TULP4: variants seen among roughly 807,000 people sequenced by gnomAD.
TULP4 encodes the protein tubby-related protein 4.
A neutral mutation model predicts 129.0 loss-of-function variants in TULP4; 16 were observed. That is an observed-to-expected ratio of 0.12 (90% CI 0.08 to 0.19). The LOEUF is 0.19. Among genes scored for constraint, TULP4 ranks in the 10% least tolerant of loss-of-function variants. The pLI is 1.00. For missense variants in TULP4, 1,842 were observed against 2,059.1 expected (o/e 0.89, Z 2.04); for synonymous variants, 998 against 854.0 (o/e 1.17, Z -2.94).
chr6:158,364,768 A>C (rs527597571), intron 1 of TULP4, among the ~76,000 whole-genome samples: 42 of 152,168 alleles, frequency 2.8e-4, no homozygotes, highest in African/African-American at 8.7e-4. Context: ...ACGGAGTCTC[A>C]TTCTGTCACC....
intron 1 of TULP4, among the ~76,000 whole-genome samples, chr6:158,299,207 T>C (rs2128474736): frequency 6.6e-6 from 1 of 152,278 alleles, no homozygotes; most frequent in South Asian, 2.1e-4. Flanking sequence ...CTATGCCAAG[T>C]AGGATGATGA....
intron 1 of TULP4, chr6:158,282,458 C>G (rs1249989619): frequency 6.6e-6 from 1 of 151,814 alleles, no homozygotes; most frequent in Admixed American, 6.6e-5. Context: ...AACTAATGTT[C>G]ATTATGTCCA....
chr6:158,355,548 G>A (rs564632828), intron 1 of TULP4, among the ~76,000 whole-genome samples: 15 of 152,222 alleles, frequency 9.9e-5, no homozygotes, highest in Non-Finnish European at 2.2e-4. Flanking sequence ...TTCATGTGTA[G>A]TGTAGGTTCT....
chr6:158,476,066 G>A (rs565858226), intron 6 of TULP4, among the ~76,000 whole-genome samples: 1 of 152,190 alleles, frequency 6.6e-6, no homozygotes, highest in Non-Finnish European at 1.5e-5. Context: ...AGACAAGAGG[G>A]GCAGTTCTTG....
intron 1 of TULP4, among the ~76,000 whole-genome samples, chr6:158,270,566 C>T (rs1778529482): frequency 6.6e-6 from 1 of 152,190 alleles, no homozygotes; most frequent in South Asian, 2.1e-4. Context: ...CGGTGATGGG[C>T]ACTCAGTTAG....
chr6:158,234,385 T>C (rs1267014332), intron 1 of TULP4, among the ~76,000 whole-genome samples: 8 of 152,238 alleles, frequency 5.3e-5, no homozygotes. Flanking sequence ...ATTTCAGCCC[T>C]CTCACTGGAT....
intron 6 of TULP4, among the ~76,000 whole-genome samples, chr6:158,479,163 G>A (rs1318315619): frequency 6.6e-6 from 1 of 152,096 alleles, no homozygotes; most frequent in Non-Finnish European, 1.5e-5. Context: ...GGAAGGGAAG[G>A]GCCATCTGGT....
At chr6:158,238,983 C>T (rs1295924380) in intron 1 of TULP4, among the ~76,000 whole-genome samples, 10 of 143,174 alleles carry the variant, frequency 7.0e-5, no homozygotes, top group African/African-American at 2.3e-4. Flanking sequence ...AGAGGGGCTC[C>T]TCACTTCCCA....
At chr6:158,322,049 G>A (rs1317516734) in intron 1 of TULP4, among the ~76,000 whole-genome samples, 1 of 152,198 alleles carries the variant, frequency 6.6e-6, no homozygotes, top group African/African-American at 2.4e-5. Context: ...CCACCTCACT[G>A]TGCATAGTGA....
chr6:158,276,090 C>G (rs1029437614), intron 1 of TULP4, among the ~76,000 whole-genome samples: 1 of 152,072 alleles, frequency 6.6e-6, no homozygotes, highest in East Asian at 1.9e-4. Context: ...CTGTCTCAGC[C>G]CCCCAAGTAG....
At chr6:158,389,448 T>C (rs1230695088) in intron 1 of TULP4, among the ~76,000 whole-genome samples, 6 of 151,744 alleles carry the variant, frequency 4.0e-5, no homozygotes, top group Non-Finnish European at 8.8e-5. Flanking sequence ...AGTAAGACTT[T>C]CTCTCTCTCT....
chr6:158,405,590 G>A (rs1777961961), intron 1 of TULP4, among the ~76,000 whole-genome samples: 1 of 152,116 alleles, frequency 6.6e-6, no homozygotes, highest in African/African-American at 2.4e-5. Flanking sequence ...TCGATCCTGG[G>A]AGAGCAAGGA....
At chr6:158,387,095 G>A (rs984677222) in intron 1 of TULP4, among the ~76,000 whole-genome samples, 8 of 152,168 alleles carry the variant, frequency 5.3e-5, no homozygotes, top group African/African-American at 1.7e-4. Context: ...TGGGCCCACA[G>A]TGCTGCTCCC....
rs559050909 is a variant in TULP4 at position 158,469,753 on chromosome 6, G to A, written c.1026+8024G>A. Among the ~76,000 whole-genome samples the A allele has an allele frequency of 1.4e-4, 21 of 151,978 alleles. No homozygotes were observed. In the South Asian group the frequency reaches 3.7e-3, roughly 27 times the overall value. ...TTAATGTCAAAGGAATGAATAGAACGAGGGGAAATGAGGAAAGGGCCAAGC... is the reference window on the plus strand; with the variant it reads ...TTAATGTCAAAGGAATGAATAGAACAAGGGGAAATGAGGAAAGGGCCAAGC... On this transcript the variant is annotated intron_variant, in intron 6 of 13. Coordinates refer to ENST00000367097, the MANE Select transcript of TULP4 (RefSeq NM_020245.5).
intron 3 of TULP4, among the ~76,000 whole-genome samples, chr6:158,430,211 A>T (rs1024912365): frequency 2.6e-5 from 4 of 152,090 alleles, no homozygotes; most frequent in African/African-American, 9.7e-5. Flanking sequence ...TACTAAGCTT[A>T]AAAAAAATCA....
intron 1 of TULP4, among the ~76,000 whole-genome samples, chr6:158,356,595 G>A (rs911073631): frequency 6.6e-6 from 1 of 152,140 alleles, no homozygotes; most frequent in Admixed American, 6.5e-5. Flanking sequence ...CAGTTAGGTG[G>A]TTGGGGCTTA....
chr6:158,321,148 C>T (rs897067418), intron 1 of TULP4, among the ~76,000 whole-genome samples: 10 of 152,094 alleles, frequency 6.6e-5, no homozygotes, highest in Non-Finnish European at 1.5e-4. Context: ...TTGCTAAACT[C>T]ATAGGTTTTT....
At chr6:158,240,163 G>A (rs1271805603) in intron 1 of TULP4, among the ~76,000 whole-genome samples, 2 of 58,388 alleles carry the variant, frequency 3.4e-5, no homozygotes, top group Non-Finnish European at 7.8e-5. Context: ...CTGGCCGGGC[G>A]GAGGGCTGTC....
intron 1 of TULP4, among the ~76,000 whole-genome samples, chr6:158,382,772 G>C (rs1341662806): frequency 6.6e-6 from 1 of 152,182 alleles, no homozygotes; most frequent in African/African-American, 2.4e-5. Context: ...GTAATTTCCT[G>C]TCTCAGCTTT....
Sources: allele counts gnomAD v4.1 joint callset (sites outside exome capture counted in the v4.1 genomes callset), GRCh38; gene constraint gnomAD v4.1.1; transcripts MANE v1.5; gene names NCBI Gene and HGNC (gene_info 2026-07-23, HGNC 2026-07-21).